Variants in CSMD1 observed in about 807,000 individuals in gnomAD.
CSMD1 encodes CUB and Sushi multiple domains 1.
A neutral mutation model predicts 417.5 loss-of-function variants in CSMD1; 213 were observed. That is an observed-to-expected ratio of 0.51 (90% confidence interval 0.46 to 0.57). The LOEUF (loss-of-function observed/expected upper bound fraction) is 0.57. Among genes scored for constraint, CSMD1 ranks in the 20% least tolerant of loss-of-function variants. The pLI, the probability that CSMD1 is intolerant of heterozygous loss-of-function variation, is 0.00. For synonymous variants in CSMD1, 2,862 were observed against 1,736.8 expected, an observed-to-expected ratio of 1.65 and a Z score of -16.11; for missense variants, 6,923 against 4,529.7, an observed-to-expected ratio of 1.53 and a Z score of -15.17.
At chr8:3,577,099 T>C (rs1309727122) in intron 9 of CSMD1, among the ~76,000 whole-genome samples, 1 of 152,204 alleles carries the variant, frequency 6.6e-6, no homozygotes, top group African/African-American at 2.4e-5. Flanking sequence ...CAGCCTGTCA[T>C]TGGCCCAGAT....
At chr8:2,994,171 A>AAAAAAAAAAAG (rs1320139624) in intron 54 of CSMD1, among the ~76,000 whole-genome samples, 3 of 131,320 alleles carry the variant, frequency 2.3e-5, no homozygotes, top group African/African-American at 8.8e-5. Context: ...AAAAAAAAAA[A>AAAAAAAAAAAG]GCAAGAAGAA....
In CSMD1 at chr8:4,700,933, G is replaced by C. The variant is rs558028243; in HGVS notation, c.86-63375C>G. Among the ~76,000 whole-genome samples, 6 of 152,228 alleles carry C rather than the reference G, an allele frequency of 3.9e-5. No homozygotes were observed. The South Asian group carries it at 1.2e-3, about 32-fold the overall frequency. On this transcript the variant is annotated intron_variant, in intron 1 of 69. Transcript: ENST00000635120. ...ATTTCAGAGGAGCAGAGAACACTGT[G>C]GAAGGTATCAAGTAACCTTCGGTCT... is the stretch of plus-strand genomic sequence containing the variant.
At chr8:4,936,354 C>T (rs1807618624) in intron 1 of CSMD1, among the ~76,000 whole-genome samples, 1 of 151,958 alleles carries the variant, frequency 6.6e-6, no homozygotes, top group Middle Eastern at 3.2e-3. Context: ...AGTAAATCGG[C>T]CTGGTTAAGG....
chr8:4,871,675 T>G (rs1802746205), intron 1 of CSMD1, among the ~76,000 whole-genome samples: 1 of 152,120 alleles, frequency 6.6e-6, no homozygotes, highest in Non-Finnish European at 1.5e-5. Context: ...ATCATAAAAT[T>G]AAATATTAAT....
chr8:3,318,042 C>T (rs1805892380), intron 23 of CSMD1, among the ~76,000 whole-genome samples: 2 of 152,290 alleles, frequency 1.3e-5, no homozygotes, highest in South Asian at 2.1e-4. Context: ...TTCAAGTGAT[C>T]TGCCCACCTT....
intron 10 of CSMD1, among the ~76,000 whole-genome samples, chr8:3,551,176 G>A (rs1479046427): frequency 2.0e-5 from 3 of 152,274 alleles, no homozygotes; most frequent in East Asian, 1.9e-4. Flanking sequence ...ATGGCATAGG[G>A]CGTTCAAAGA....
chr8:4,113,248 A>G (rs1196319859), intron 3 of CSMD1, among the ~76,000 whole-genome samples: 1 of 152,184 alleles, frequency 6.6e-6, no homozygotes, highest in Non-Finnish European at 1.5e-5. Context: ...ATTGAAAGAA[A>G]GGACTGCACA....
intron 3 of CSMD1, among the ~76,000 whole-genome samples, chr8:4,252,976 A>T (rs1803186447): frequency 6.6e-6 from 1 of 152,210 alleles, no homozygotes; most frequent in South Asian, 2.1e-4. Flanking sequence ...ACAGCCCAGT[A>T]AGCCTATGAG....
chr8:3,089,400 C>CG (rs1313823497), intron 48 of CSMD1, among the ~76,000 whole-genome samples: 1 of 152,208 alleles, frequency 6.6e-6, no homozygotes, highest in African/African-American at 2.4e-5. Context: ...GCACAGTTTA[C>CG]GGAATTGTCC....
rs13281149 is a variant in CSMD1 at position 3,562,425 on chromosome 8, T to C, written c.1344+12520A>G. Among the ~76,000 whole-genome samples, 388 of 67,234 alleles carry C rather than the reference T, an allele frequency of 5.8e-3. 3 individuals carry two copies. The highest frequency in any genetic ancestry group is 0.026 in the African/African-American group (374 of 14,448). The allele number at this position is 67,234 out of a possible 152,430, so 44.1% of individuals were successfully genotyped here. ...ATACACACACATGCACAAACACACA[T>C]GCACACACACGTGCACATACACATA... On this transcript the variant is annotated intron_variant, in intron 10 of 69. Coordinates refer to ENST00000635120, the MANE Select transcript of CSMD1 (RefSeq NM_033225.6).
At chr8:3,381,376 A>C (rs1312674394) in intron 18 of CSMD1, among the ~76,000 whole-genome samples, 1 of 152,230 alleles carries the variant, frequency 6.6e-6, no homozygotes, top group Non-Finnish European at 1.5e-5. Flanking sequence ...GTATCATCCA[A>C]GAAAGCCATA....
At chr8:3,247,340 C>T (rs1799946815) in intron 26 of CSMD1, among the ~76,000 whole-genome samples, 1 of 152,144 alleles carries the variant, frequency 6.6e-6, no homozygotes, top group Non-Finnish European at 1.5e-5. Flanking sequence ...CTGCTCCTGG[C>T]CCCCTCCCCG....
intron 3 of CSMD1, among the ~76,000 whole-genome samples, chr8:4,189,050 T>G (rs1798860413): frequency 6.6e-6 from 1 of 152,178 alleles, no homozygotes; most frequent in Admixed American, 6.5e-5. Flanking sequence ...AGGTTTTATT[T>G]GTTATAAGAG....
intron 10 of CSMD1, among the ~76,000 whole-genome samples, chr8:3,536,891 C>G (rs1002512729): frequency 6.6e-6 from 1 of 152,202 alleles, no homozygotes; most frequent in African/African-American, 2.4e-5. Flanking sequence ...AAAATTAAAT[C>G]TAGTTTAGAA....
At chr8:3,165,633 C>G (rs143256061) in intron 37 of CSMD1, among the ~76,000 whole-genome samples, 1 of 151,938 alleles carries the variant, frequency 6.6e-6, no homozygotes, top group Non-Finnish European at 1.5e-5. Context: ...GGGGTTTCAC[C>G]ATGTTAGCCA....
chr8:3,488,161 G>C (rs572189830), intron 11 of CSMD1, among the ~76,000 whole-genome samples: 11 of 151,784 alleles, frequency 7.2e-5, no homozygotes. Context: ...GGAGTGCAGT[G>C]GGGTCATCAT....
chr8:3,823,475 T>C (rs182257054), intron 5 of CSMD1, among the ~76,000 whole-genome samples: 70 of 152,326 alleles, frequency 4.6e-4, no homozygotes, highest in African/African-American at 1.6e-3. Flanking sequence ...ATGCAACGAA[T>C]GTATTTTTGA....
At chr8:3,401,884 CACTT>C (rs1436692333) in intron 15 of CSMD1, among the ~76,000 whole-genome samples, 2 of 151,578 alleles carry the variant, frequency 1.3e-5, no homozygotes, top group African/African-American at 4.8e-5. Flanking sequence ...TGTTCATACT[CACTT>C]AGCTGATAAC....
intron 1 of CSMD1, among the ~76,000 whole-genome samples, chr8:4,834,167 G>C (rs573721378): frequency 1.3e-5 from 2 of 152,362 alleles, no homozygotes; most frequent in East Asian, 3.9e-4. Context: ...AAACAAGGAT[G>C]TGTTATGTCA....
Sources: allele counts gnomAD v4.1 joint callset (sites outside exome capture counted in the v4.1 genomes callset), GRCh38; gene constraint gnomAD v4.1.1; transcripts MANE v1.5; gene names NCBI Gene and HGNC (gene_info 2026-07-23, HGNC 2026-07-21).